SORCS2: variants seen among roughly 807,000 people sequenced by gnomAD.
SORCS2 encodes VPS10 domain-containing receptor SorCS2.
In SORCS2, 100 loss-of-function variants were observed where a neutral mutation model predicts 141.6. The ratio of observed to expected loss-of-function variants is 0.71; its 90% CI spans 0.60 to 0.83. SORCS2 has a LOEUF of 0.83. Among genes scored for constraint, SORCS2 ranks in the 40% least tolerant of loss-of-function variants. The pLI is 0.00. For missense variants in SORCS2, 1,646 were observed against 1,560.2 expected (o/e 1.05, Z -0.93); for synonymous variants, 789 against 676.9 (o/e 1.17, Z -2.57).
chr4:7,669,631 C>CT lies in SORCS2; in HGVS notation c.1161+2426dup, dbSNP rs753557014. 1.1e-3 allele frequency among the ~76,000 whole-genome samples: 173 copies of CT among 150,838 alleles called. 4 individuals carry two copies. Among genetic ancestry groups the CT allele is most frequent in the Non-Finnish European group, 4.3e-4 (29 of 67,984 alleles). The stretch of plus-strand genomic sequence containing the variant: ...CCTCTTCCCACAGACTCAACTCTCT[C>CT]TTTTTTTTCTTTTTATATTTTTAAT... On this transcript the variant is annotated intron_variant, in intron 8 of 26. Coordinates refer to ENST00000507866, the MANE Select transcript of SORCS2 (RefSeq NM_020777.3).
chr4:7,400,114 C>T (rs1724475495), intron 2 of SORCS2, among the ~76,000 whole-genome samples: 1 of 152,144 alleles, frequency 6.6e-6, no homozygotes, highest in Non-Finnish European at 1.5e-5. Flanking sequence ...CTTGAAATAA[C>T]ATACAAGCCA....
chr4:7,214,514 A>G (rs1728215527), intron 1 of SORCS2, among the ~76,000 whole-genome samples: 1 of 152,344 alleles, frequency 6.6e-6, no homozygotes, highest in Non-Finnish European at 1.5e-5. Context: ...TTACAGAAAG[A>G]GGTCTAAGGC....
At chr4:7,724,768 GA>G in intron 19 of SORCS2, among the ~76,000 whole-genome samples, 1 of 136,840 alleles carries the variant, frequency 7.3e-6, no homozygotes, top group African/African-American at 3.0e-5. Context: ...TGTTGGTGAT[GA>G]TGGTGGTGAT....
intron 3 of SORCS2, among the ~76,000 whole-genome samples, chr4:7,609,877 C>T (rs535436537): frequency 6.6e-6 from 1 of 152,366 alleles, no homozygotes; most frequent in Non-Finnish European, 1.5e-5. Flanking sequence ...CCCCAAACTC[C>T]AATGCCATCT....
Position 7,699,703 on chromosome 4 carries a change from C to T in SORCS2, c.1668+2429C>T, listed in dbSNP as rs112254074. Among the ~76,000 whole-genome samples the T allele has an allele frequency of 2.1e-3, 324 of 152,286 alleles. 2 individuals carry two copies. Among genetic ancestry groups the T allele is most frequent in the African/African-American group, 7.4e-3 (307 of 41,572 alleles). On this transcript the variant is annotated intron_variant, in intron 12 of 26. Transcript: ENST00000507866. ...CGGGCATGGCAGGTGGGCTTATCCACGAGGCCCCTCTCCTCCAGCCTCACA... is the reference window on the plus strand; with the variant it reads ...CGGGCATGGCAGGTGGGCTTATCCATGAGGCCCCTCTCCTCCAGCCTCACA...
At chr4:7,241,378 G>A (rs958171628) in intron 1 of SORCS2, among the ~76,000 whole-genome samples, 1 of 152,148 alleles carries the variant, frequency 6.6e-6, no homozygotes, top group Admixed American at 6.5e-5. Context: ...CATGGGCCCC[G>A]GTTGTTGTGT....
chr4:7,500,310 T>C, intron 2 of SORCS2, among the ~76,000 whole-genome samples: 1 of 67,430 alleles, frequency 1.5e-5, no homozygotes, highest in East Asian at 0.011. Context: ...AATACTCGCC[T>C]TCCTTACTCC....
At chr4:7,705,446 G>A (rs142729440) in intron 14 of SORCS2, among the ~76,000 whole-genome samples, 8 of 152,362 alleles carry the variant, frequency 5.3e-5, no homozygotes, top group South Asian at 2.1e-4. Flanking sequence ...AGGCTGCCGC[G>A]ACAGCCCACA....
At chr4:7,682,510 G>C (rs766988385) in intron 9 of SORCS2, among the ~76,000 whole-genome samples, 1 of 152,148 alleles carries the variant, frequency 6.6e-6, no homozygotes, top group Non-Finnish European at 1.5e-5. Context: ...AATCATTCAG[G>C]CTTCAGAGCT....
At chr4:7,675,877 T>C (rs929999643) in intron 8 of SORCS2, among the ~76,000 whole-genome samples, 173 bp from the exon 9 acceptor site, 2 of 152,106 alleles carry the variant, frequency 1.3e-5, no homozygotes, top group Non-Finnish European at 2.9e-5. Flanking sequence ...TGAGGAGACT[T>C]GTGCAAGGCC....
At chr4:7,238,290 T>TG (rs111273892) in intron 1 of SORCS2, among the ~76,000 whole-genome samples, 25,697 of 151,474 alleles carry the variant, frequency 0.17, 2,594 homozygotes, top group African/African-American at 0.29. Context: ...AGAGGGAGTC[T>TG]GGGGGGGGTT....
At chr4:7,621,410 CAT>C (rs1362773470) in intron 3 of SORCS2, among the ~76,000 whole-genome samples, 1 of 143,584 alleles carries the variant, frequency 7.0e-6, no homozygotes, top group Non-Finnish European at 1.5e-5. Context: ...TGTCTGTGTG[CAT>C]GTTTGTGTGT....
chr4:7,356,360 G>C (rs1470520452), intron 1 of SORCS2, among the ~76,000 whole-genome samples: 16 of 152,216 alleles, frequency 1.1e-4, no homozygotes. Flanking sequence ...TTTGGGGGCT[G>C]GGAAGTCCAA....
intron 4 of SORCS2, among the ~76,000 whole-genome samples, chr4:7,640,861 A>T (rs1720687449): frequency 6.6e-6 from 1 of 152,092 alleles, no homozygotes; most frequent in Non-Finnish European, 1.5e-5. Context: ...GGAATAGCAC[A>T]TGCCTCTTTC....
At chr4:7,323,628 C>T (rs974573849) in intron 1 of SORCS2, among the ~76,000 whole-genome samples, 24 of 152,102 alleles carry the variant, frequency 1.6e-4, no homozygotes, top group African/African-American at 5.6e-4. Flanking sequence ...TCAGGAATCC[C>T]TTCAGTCACA....
chr4:7,200,824 G>T (rs1218038543), intron 1 of SORCS2, among the ~76,000 whole-genome samples: 1 of 152,184 alleles, frequency 6.6e-6, no homozygotes, highest in Non-Finnish European at 1.5e-5. Flanking sequence ...ACACTCCATG[G>T]ATGGGGGCCT....
chr4:7,525,972 G>A (rs979473194), intron 2 of SORCS2, among the ~76,000 whole-genome samples: 8 of 116,476 alleles, frequency 6.9e-5, no homozygotes, highest in Admixed American at 4.6e-4. Flanking sequence ...TCAGTCACCT[G>A]TCCCCTCCTC....
At chr4:7,485,221 G>T (rs1730903248) in intron 2 of SORCS2, among the ~76,000 whole-genome samples, 1 of 152,220 alleles carries the variant, frequency 6.6e-6, no homozygotes, top group South Asian at 2.1e-4. Flanking sequence ...ATGAGATCCA[G>T]GTCTGGTCTA....
chr4:7,410,214 G>A (rs1382086434), intron 2 of SORCS2, among the ~76,000 whole-genome samples: 2 of 152,352 alleles, frequency 1.3e-5, no homozygotes, highest in South Asian at 2.1e-4. Flanking sequence ...GAGCTGTCAT[G>A]CTGATTAGGC....
Sources: allele counts gnomAD v4.1 joint callset (sites outside exome capture counted in the v4.1 genomes callset), GRCh38; gene constraint gnomAD v4.1.1; transcripts MANE v1.5; gene names NCBI Gene and HGNC (gene_info 2026-07-23, HGNC 2026-07-21).